Variants in ATG4C observed in about 807,000 individuals in gnomAD.
The protein encoded by ATG4C is autophagy related 4C cysteine peptidase.
A neutral mutation model predicts 57.6 loss-of-function variants in ATG4C; 56 were observed. The observed-to-expected ratio is 0.97, with a 90% CI of 0.78 to 1.21. ATG4C has a LOEUF of 1.21. ATG4C is among the 50% of genes most tolerant of loss of function. The pLI, the probability that ATG4C is intolerant of heterozygous loss-of-function variation, is 0.00. For synonymous variants in ATG4C, 157 were observed against 174.1 expected, an observed-to-expected ratio of 0.90 and a Z score of 0.78; for missense variants, 595 against 529.8, an observed-to-expected ratio of 1.12 and a Z score of -1.21.
intron 7 of ATG4C, among the ~76,000 whole-genome samples, chr1:62,830,670 T>C (rs1433641247): frequency 6.6e-6 from 1 of 152,124 alleles, no homozygotes; most frequent in Non-Finnish European, 1.5e-5. Flanking sequence ...GATGTGTGTT[T>C]TATTGGTCCT....
At chr1:62,815,298 T>TG (rs1665231161) in intron 3 of ATG4C, among the ~76,000 whole-genome samples, 1 of 152,180 alleles carries the variant, frequency 6.6e-6, no homozygotes, top group African/African-American at 2.4e-5. Flanking sequence ...GTTATTTTAG[T>TG]GGTTTAAGGT....
chr1:62,834,952 A>G lies in ATG4C; in HGVS notation c.1089+100A>G, dbSNP rs1045555953. ...GCTATGCTTTTACGGTATTATAACT[A>G]CTGGTTAATAATCAATATTTTACTG... On this transcript the variant is annotated intron_variant, in intron 9 of 10. Coordinates refer to ENST00000317868, the MANE Select transcript of ATG4C (RefSeq NM_032852.4). The G allele has an allele frequency of 9.9e-6, 9 of 905,974 alleles. No individual in the cohort carries two copies. The African/African-American group carries it at 1.0e-4, about 10-fold the overall frequency. 56.1% of individuals were successfully genotyped at this position (905,974 alleles called of 1,614,324 possible).
Position 62,864,161 on chromosome 1 carries a change from G to T in ATG4C, c.*2G>T, listed in dbSNP as rs765300830. On this transcript the variant is annotated 3_prime_UTR_variant, in exon 11 of 11. Coordinates refer to ENST00000317868, the MANE Select transcript of ATG4C (RefSeq NM_032852.4). Reference sequence around the variant, plus strand: ...ACGGAAGAGTTTGTCTTGCTTTAAAGATTAGCACATTTGTGCTTGATAAGA... The same window carrying T: ...ACGGAAGAGTTTGTCTTGCTTTAAATATTAGCACATTTGTGCTTGATAAGA... The T allele has an allele frequency of 2.5e-6, 4 of 1,593,932 alleles. No homozygotes were observed. The South Asian group carries it at 4.6e-5, about 18-fold the overall frequency.
chr1:62,801,886 A>T (rs1299804899), intron 1 of ATG4C, among the ~76,000 whole-genome samples: 1 of 123,528 alleles, frequency 8.1e-6, no homozygotes, highest in Non-Finnish European at 1.6e-5. Context: ...TGAACCGGGG[A>T]GGCGGAGCTT....
chr1:62,845,615 T>G (rs892995510), intron 10 of ATG4C, among the ~76,000 whole-genome samples: 9 of 152,222 alleles, frequency 5.9e-5, no homozygotes, highest in Non-Finnish European at 1.3e-4. Context: ...AAATCTTTAA[T>G]AAGCAAAAGT....
intron 2 of ATG4C, among the ~76,000 whole-genome samples, chr1:62,804,580 A>C (rs1400264580): frequency 6.6e-6 from 1 of 152,096 alleles, no homozygotes; most frequent in Non-Finnish European, 1.5e-5. Flanking sequence ...TCCCACACAA[A>C]ATAGACTGTA....
At chr1:62,794,209 G>A (rs966606199) in intron 1 of ATG4C, among the ~76,000 whole-genome samples, 1 of 151,260 alleles carries the variant, frequency 6.6e-6, no homozygotes, top group Non-Finnish European at 1.5e-5. Context: ...TGCACAGTCT[G>A]TGAACATGTA....
intron 3 of ATG4C, among the ~76,000 whole-genome samples, chr1:62,805,779 C>G (rs1664858488): frequency 6.6e-6 from 1 of 152,132 alleles, no homozygotes; most frequent in South Asian, 2.1e-4. Context: ...AAGGTAGATT[C>G]AGGTATTCTC....
intron 10 of ATG4C, among the ~76,000 whole-genome samples, chr1:62,842,169 T>C (rs910158237): frequency 4.6e-5 from 7 of 152,180 alleles, no homozygotes; most frequent in African/African-American, 1.7e-4. Flanking sequence ...TATCTGTCTC[T>C]ATGTAGTATT....
chr1:62,824,075 T>C (rs1441697356), intron 6 of ATG4C, among the ~76,000 whole-genome samples: 1 of 152,114 alleles, frequency 6.6e-6, no homozygotes, highest in Non-Finnish European at 1.5e-5. Flanking sequence ...ATCATTTGGT[T>C]GAGATTCGCT....
chr1:62,818,994 A>C lies in ATG4C; in HGVS notation c.395-11A>C. The C allele has an allele frequency of 6.6e-7, 1 of 1,511,732 alleles. No homozygotes were observed. The highest frequency in any genetic ancestry group is 8.8e-7 in the Non-Finnish European group (1 of 1,135,458). 93.6% of individuals were successfully genotyped at this position (1,511,732 alleles called of 1,614,324 possible). A position where few individuals can be genotyped will look rare whatever the true frequency, so the allele number is the denominator to read the frequency against. On this transcript the variant is annotated splice_polypyrimidine_tract_variant and intron_variant, in intron 4 of 10. Transcript: ENST00000317868. The stretch of plus-strand genomic sequence containing the variant: ...AAAAGATCTGAACACTTTGCTTTGG[A>C]ACTACTATAGCTTGGACCTGGCCTG...
intron 10 of ATG4C, among the ~76,000 whole-genome samples, chr1:62,853,234 T>C (rs887975899): frequency 6.6e-6 from 1 of 152,204 alleles, no homozygotes; most frequent in Non-Finnish European, 1.5e-5. Flanking sequence ...TGAAATTTTT[T>C]TTTTCTCTGA....
At position 62,803,763 on chromosome 1, in the gene ATG4C, TG is replaced by T; in HGVS notation, c.-22del. ...TCTACAGAAGAATGCAATCAAGTGA[TG>T]GCTTTTCCTTTAGAATTTGAATATG... On this transcript the variant is annotated 5_prime_UTR_variant, in exon 2 of 11. It removes the in-frame stop codon of an upstream open reading frame in the 5' UTR. Transcript: ENST00000317868. 1 of 1,549,554 alleles carries T rather than the reference TG, an allele frequency of 6.5e-7. No homozygotes were observed. The highest frequency in any genetic ancestry group is 8.8e-7 in the Non-Finnish European group (1 of 1,137,254).
chr1:62,786,159 T>C (rs1015146164), intron 1 of ATG4C, among the ~76,000 whole-genome samples: 2 of 152,218 alleles, frequency 1.3e-5, no homozygotes, highest in Non-Finnish European at 2.9e-5. Context: ...TTCAGTTCTT[T>C]TCGACTCTTC....
chr1:62,831,867 C>T (rs901875736), intron 7 of ATG4C, among the ~76,000 whole-genome samples: 6 of 152,196 alleles, frequency 3.9e-5, no homozygotes, highest in Non-Finnish European at 7.4e-5. Context: ...GAACCAAAGT[C>T]TTTCTTCCGT....
intron 10 of ATG4C, 22 bp downstream of exon 10, chr1:62,841,569 T>G (rs1438992097): frequency 6.5e-7 from 1 of 1,527,610 alleles, no homozygotes; most frequent in East Asian, 2.4e-5. Flanking sequence ...TAAAATATTA[T>G]ATTTGTAAAT....
chr1:62,823,555 A>G (rs574920299), intron 6 of ATG4C, among the ~76,000 whole-genome samples: 1 of 152,318 alleles, frequency 6.6e-6, no homozygotes, highest in Admixed American at 6.5e-5. Context: ...CCATCTGATC[A>G]AAAGAAACTG....
At chr1:62,853,144 T>G (rs1395146249) in intron 10 of ATG4C, among the ~76,000 whole-genome samples, 1 of 152,236 alleles carries the variant, frequency 6.6e-6, no homozygotes, top group African/African-American at 2.4e-5. Context: ...CCCCTGAACT[T>G]TAGAAGCATT....
chr1:62,842,199 T>C (rs1666190495), intron 10 of ATG4C, among the ~76,000 whole-genome samples: 1 of 152,182 alleles, frequency 6.6e-6, no homozygotes. Context: ...AAAAAAAGAC[T>C]GCTTTTTAAA....
Sources: gnomAD v4.1 joint callset for allele counts (sites outside exome capture counted in the v4.1 genomes callset) on GRCh38, gnomAD v4.1.1 for gene constraint, MANE v1.5 for transcripts, NCBI Gene and HGNC (gene_info 2026-07-23, HGNC 2026-07-21) for gene names.